The following PCED1B variants were observed in gnomAD, a reference collection of about 807,000 sequenced individuals.
PCED1B encodes PC-esterase domain-containing protein 1B.
For missense variants in PCED1B, 573 were observed against 573.9 expected (o/e 1.00, Z 0.02); for synonymous variants, 251 against 246.1 (o/e 1.02, Z -0.19).
chr12:47,232,153 C>G (rs1943828177), intron 3 of PCED1B, among the ~76,000 whole-genome samples: 1 of 152,160 alleles, frequency 6.6e-6, no homozygotes, highest in East Asian at 1.9e-4. Context: ...AATGAACATG[C>G]TTGAGTCCCA....
intron 2 of PCED1B, among the ~76,000 whole-genome samples, chr12:47,109,171 A>G (rs974592634): frequency 1.3e-5 from 2 of 152,084 alleles, no homozygotes; most frequent in African/African-American, 4.8e-5. Context: ...TGTAGAAGAA[A>G]TTTTCAAGAA....
chr12:47,194,349 A>G (rs1209027194), intron 2 of PCED1B, among the ~76,000 whole-genome samples: 3 of 151,904 alleles, frequency 2.0e-5, no homozygotes, highest in Non-Finnish European at 2.9e-5. Context: ...TAATTTTTGT[A>G]TTTTTAATAG....
At chr12:47,137,517 A>G (rs1940423289) in intron 2 of PCED1B, among the ~76,000 whole-genome samples, 1 of 152,074 alleles carries the variant, frequency 6.6e-6, no homozygotes, top group Non-Finnish European at 1.5e-5. Flanking sequence ...CTGTCTTTCA[A>G]AAAAGGAATC....
At chr12:47,228,116 C>T (rs766261807) in intron 3 of PCED1B, among the ~76,000 whole-genome samples, 12 of 151,358 alleles carry the variant, frequency 7.9e-5, no homozygotes, top group Non-Finnish European at 1.0e-4. Flanking sequence ...TCGCTGCAAC[C>T]TCCTCCTTTC....
At chr12:47,084,736 C>T (rs1026835725) in intron 1 of PCED1B, among the ~76,000 whole-genome samples, 1 of 152,112 alleles carries the variant, frequency 6.6e-6, no homozygotes, top group Admixed American at 6.5e-5. Flanking sequence ...TTCCACTTAC[C>T]CAGAGTCTTG....
chr12:47,187,548 A>T (rs992835834), intron 2 of PCED1B, among the ~76,000 whole-genome samples: 3 of 152,196 alleles, frequency 2.0e-5, no homozygotes, highest in Non-Finnish European at 2.9e-5. Context: ...AAGTGTAAAC[A>T]GTTAAATCCA....
intron 2 of PCED1B, among the ~76,000 whole-genome samples, chr12:47,188,690 T>C (rs1019726424): frequency 4.6e-5 from 7 of 152,190 alleles, no homozygotes; most frequent in African/African-American, 1.4e-4. Flanking sequence ...ATCGCCCAAA[T>C]TGAAACGTGC....
rs931819085 is a variant in PCED1B at position 47,236,530 on chromosome 12, C to T, written c.*168C>T. 195 of 682,072 alleles carry T rather than the reference C, an allele frequency of 2.9e-4. 1 individual carries two copies. Among genetic ancestry groups the T allele is most frequent in the Non-Finnish European group, 1.2e-4 (51 of 426,192 alleles). 42.3% of individuals were successfully genotyped at this position (682,072 alleles called of 1,614,324 possible). ...ACCAAGAAAGCCAAGGAAGAGCAGCCTGACTCATTCTTCTTGGCTGCAGCC... is the reference window on the plus strand; with the variant it reads ...ACCAAGAAAGCCAAGGAAGAGCAGCTTGACTCATTCTTCTTGGCTGCAGCC... On this transcript the variant is annotated 3_prime_UTR_variant, in exon 4 of 4. Transcript: ENST00000546455.
At chr12:47,232,390 CTG>C (rs1268228278) in intron 3 of PCED1B, among the ~76,000 whole-genome samples, 1 of 152,138 alleles carries the variant, frequency 6.6e-6, no homozygotes, top group African/African-American at 2.4e-5. Flanking sequence ...AATATTCTAT[CTG>C]TTTTAATATT....
At chr12:47,216,002 G>A (rs533305284) in intron 2 of PCED1B, among the ~76,000 whole-genome samples, 1 of 152,080 alleles carries the variant, frequency 6.6e-6, no homozygotes, top group Non-Finnish European at 1.5e-5. Context: ...GCAATGAGCC[G>A]AGACCATGCC....
chr12:47,141,079 C>A lies in PCED1B; in HGVS notation c.-526+36884C>A, dbSNP rs368397586. On this transcript the variant is annotated intron_variant, in intron 2 of 3. Transcript: ENST00000546455. ...TGGTTGATCATTTCAGCTGTGCAAG[C>A]AGCAGACCATGATTTGAGTCCTGGC... Among the ~76,000 whole-genome samples the A allele has an allele frequency of 3.9e-5, 6 of 152,114 alleles. No homozygotes were observed. The East Asian group carries it at 5.8e-4, about 15-fold the overall frequency.
Position 47,139,370 on chromosome 12 carries a change from C to A in PCED1B, c.-526+35175C>A, listed in dbSNP as rs114693068. Among the ~76,000 whole-genome samples, 511 of 149,040 alleles carry A rather than the reference C, an allele frequency of 3.4e-3. 1 individual carries two copies. Among genetic ancestry groups the A allele is most frequent in the African/African-American group, 0.012 (483 of 41,382 alleles). ...GAGAGCAAGTGATCTGGGTGCTATCCTGCACTGGGGGAGGGTCAGGGAAAG... is the reference window on the plus strand; with the variant it reads ...GAGAGCAAGTGATCTGGGTGCTATCATGCACTGGGGGAGGGTCAGGGAAAG... On this transcript the variant is annotated intron_variant, in intron 2 of 3. Coordinates refer to ENST00000546455, the MANE Select transcript of PCED1B (RefSeq NM_138371.3).
chr12:47,153,355 C>CAAAAAAAA (rs11299918), intron 2 of PCED1B, among the ~76,000 whole-genome samples: 1 of 95,270 alleles, frequency 1.0e-5, no homozygotes. Flanking sequence ...GACTCCTTCT[C>CAAAAAAAA]AAAAAAAAAA....
intron 2 of PCED1B, among the ~76,000 whole-genome samples, chr12:47,179,560 C>G (rs1030286042): frequency 6.6e-6 from 1 of 152,172 alleles, no homozygotes; most frequent in African/African-American, 2.4e-5. Flanking sequence ...CTTTAAAAAA[C>G]AACTGCTCTG....
At chr12:47,214,132 C>T (rs976974070) in intron 2 of PCED1B, among the ~76,000 whole-genome samples, 3 of 152,136 alleles carry the variant, frequency 2.0e-5, no homozygotes, top group East Asian at 3.8e-4. Flanking sequence ...TGCCTTGATT[C>T]TATTAAATTT....
intron 2 of PCED1B, among the ~76,000 whole-genome samples, chr12:47,181,897 A>AG (rs1308926109): frequency 6.6e-6 from 1 of 152,210 alleles, no homozygotes; most frequent in African/African-American, 2.4e-5. Flanking sequence ...TTCCTCCTTC[A>AG]AAATCAGAAC....
intron 2 of PCED1B, among the ~76,000 whole-genome samples, chr12:47,169,297 C>T (rs1215163652): frequency 1.3e-5 from 2 of 152,164 alleles, no homozygotes; most frequent in East Asian, 1.9e-4. Context: ...AACATCCCTC[C>T]ATCTTCCCAT....
At chr12:47,160,359 G>C (rs1174276545) in intron 2 of PCED1B, among the ~76,000 whole-genome samples, 1 of 132,776 alleles carries the variant, frequency 7.5e-6, no homozygotes, top group African/African-American at 2.8e-5. Context: ...GAGTACAGTG[G>C]TGCAATCACA....
chr12:47,135,974 A>G (rs1940348159), intron 2 of PCED1B: 1 of 178,414 alleles, frequency 5.6e-6, no homozygotes, highest in Non-Finnish European at 1.2e-5. Flanking sequence ...ATTTTTATAG[A>G]TAAGAACAAG....
Sources: gnomAD v4.1 joint callset for allele counts (sites outside exome capture counted in the v4.1 genomes callset) on GRCh38, gnomAD v4.1.1 for gene constraint, MANE v1.5 for transcripts, NCBI Gene and HGNC (gene_info 2026-07-23, HGNC 2026-07-21) for gene names.